PTPRD: variants seen among roughly 807,000 people sequenced by gnomAD.
PTPRD encodes the protein receptor-type tyrosine-protein phosphatase delta.
In PTPRD, 34 loss-of-function variants were observed where a neutral mutation model predicts 214.5. The ratio of observed to expected loss-of-function variants is 0.16; its 90% CI spans 0.12 to 0.21. The LOEUF (loss-of-function observed/expected upper bound fraction) is 0.21, where lower values mean the gene tolerates loss of function less well. Ranked by LOEUF, PTPRD falls within the 10% of genes least tolerant of loss-of-function variation. The pLI is 1.00. For synonymous variants in PTPRD, 1,128 were observed against 845.7 expected (o/e 1.33, Z -5.79); for missense variants, 2,545 against 2,398.7 (o/e 1.06, Z -1.27).
At chr9:8,816,873 G>A (rs972278008) in intron 11 of PTPRD, among the ~76,000 whole-genome samples, 1 of 152,094 alleles carries the variant, frequency 6.6e-6, no homozygotes, top group East Asian at 1.9e-4. Context: ...ACCTTCTAAG[G>A]AATACAACAA....
chr9:9,313,814 T>C (rs982432318), intron 9 of PTPRD, among the ~76,000 whole-genome samples: 8 of 152,194 alleles, frequency 5.3e-5, no homozygotes, highest in African/African-American at 1.9e-4. Context: ...TATGGCACTT[T>C]AGGAAGATTT....
At chr9:9,147,785 A>T (rs1360422675) in intron 10 of PTPRD, among the ~76,000 whole-genome samples, 1 of 152,146 alleles carries the variant, frequency 6.6e-6, no homozygotes, top group African/African-American at 2.4e-5. Flanking sequence ...CTTCTACAGT[A>T]GTGGTTTTCA....
At chr9:9,675,996 G>C (rs1413827845) in intron 7 of PTPRD, among the ~76,000 whole-genome samples, 1 of 151,834 alleles carries the variant, frequency 6.6e-6, no homozygotes, top group African/African-American at 2.4e-5. Context: ...ATATTGCAAG[G>C]GTTCTGTAGC....
chr9:9,968,781 A>G (rs940013776), intron 4 of PTPRD, among the ~76,000 whole-genome samples: 3 of 152,228 alleles, frequency 2.0e-5, no homozygotes, highest in Admixed American at 2.0e-4. Context: ...AACGCCGTTA[A>G]TCTCAACCTT....
intron 9 of PTPRD, among the ~76,000 whole-genome samples, chr9:9,192,827 T>C: frequency 6.6e-6 from 1 of 152,076 alleles, no homozygotes; most frequent in East Asian, 1.9e-4. Flanking sequence ...TGTTAATAAA[T>C]ATCAGAGACT....
intron 3 of PTPRD, among the ~76,000 whole-genome samples, chr9:10,300,361 A>G (rs540389341): frequency 1.3e-5 from 2 of 152,118 alleles, no homozygotes; most frequent in Non-Finnish European, 2.9e-5. Context: ...AGCTAGCTGC[A>G]GGAGTTTAGT....
At chr9:9,470,218 T>C (rs1260788260) in intron 8 of PTPRD, among the ~76,000 whole-genome samples, 1 of 152,128 alleles carries the variant, frequency 6.6e-6, no homozygotes, top group Non-Finnish European at 1.5e-5. Flanking sequence ...ATTTGTATGG[T>C]CACTTCTAGG....
At chr9:10,049,635 A>G (rs1260319283) in intron 3 of PTPRD, among the ~76,000 whole-genome samples, 2 of 152,228 alleles carry the variant, frequency 1.3e-5, no homozygotes, top group Non-Finnish European at 2.9e-5. Flanking sequence ...AGGGATATTC[A>G]TAGTTTTCCA....
At chr9:10,333,442 T>C (rs752465226) in intron 3 of PTPRD, among the ~76,000 whole-genome samples, 2 of 151,788 alleles carry the variant, frequency 1.3e-5, no homozygotes, top group Non-Finnish European at 2.9e-5. Context: ...CACTACAATT[T>C]CAGCGATTTA....
intron 2 of PTPRD, among the ~76,000 whole-genome samples, chr9:10,589,938 T>C (rs975058482): frequency 1.2e-4 from 19 of 152,114 alleles, no homozygotes; most frequent in East Asian, 5.8e-4. Context: ...TAATTTGTTA[T>C]TACTATTAAT....
At chr9:8,487,893 G>A (rs978779167) in intron 27 of PTPRD, among the ~76,000 whole-genome samples, 2 of 151,998 alleles carry the variant, frequency 1.3e-5, no homozygotes, top group Non-Finnish European at 2.9e-5. Context: ...GGAAGGCATG[G>A]TGTCACATGT....
At chr9:9,641,080 AGC>A (rs774578804) in intron 7 of PTPRD, among the ~76,000 whole-genome samples, 35,530 of 151,970 alleles carry the variant, frequency 0.23, 5,090 homozygotes, top group Non-Finnish European at 0.32. Context: ...TAATAATGAA[AGC>A]TATAGCTTTA....
In PTPRD at chr9:8,341,967, C is replaced by G. The variant is rs2132529823; in HGVS notation, c.4673G>C (p.Gly1558Ala). Residue 1558 changes from glycine (G) to alanine (A), a missense_variant, in exon 40 of 46, where the codon GGC becomes GCC. By Grantham distance (60) the Gly-to-Ala change is moderately conservative (BLOSUM62 0). Transcript: ENST00000381196. ...TATGACGATGAAGCAACCAGTCCGG[C>G]CAACTCCCGCACTATGAGGAAAATA... is the stretch of plus-strand genomic sequence containing the variant. ...PMVVHCSAGVGRTGCFIVIDA... is the reference protein window; with the variant it reads ...PMVVHCSAGVARTGCFIVIDA... 6.2e-7 allele frequency: 1 copy of G among 1,610,020 alleles called. No individual in the cohort carries two copies. Among genetic ancestry groups the G allele is most frequent in the South Asian group, 1.1e-5 (1 of 90,836 alleles).
chr9:10,261,926 C>T (rs1236314649), intron 3 of PTPRD, among the ~76,000 whole-genome samples: 1 of 152,026 alleles, frequency 6.6e-6, no homozygotes, highest in Non-Finnish European at 1.5e-5. Flanking sequence ...AATTTGGCAG[C>T]CACTCTTAGA....
At chr9:9,388,550 A>G (rs1373360382) in intron 9 of PTPRD, among the ~76,000 whole-genome samples, 1 of 152,180 alleles carries the variant, frequency 6.6e-6, no homozygotes, top group Non-Finnish European at 1.5e-5. Context: ...AGCAACAGTC[A>G]GGTACTGAAG....
chr9:8,716,469 G>T (rs964842749), intron 12 of PTPRD, among the ~76,000 whole-genome samples: 1 of 152,086 alleles, frequency 6.6e-6, no homozygotes, highest in African/African-American at 2.4e-5. Flanking sequence ...ATTTCCTATT[G>T]TTAAGCACAG....
intron 14 of PTPRD, among the ~76,000 whole-genome samples, chr9:8,581,730 G>C (rs189420480): frequency 7.3e-5 from 11 of 150,330 alleles, no homozygotes; most frequent in African/African-American, 2.4e-4. Context: ...CCGGACGACA[G>C]AGCGAGACTC....
intron 11 of PTPRD, among the ~76,000 whole-genome samples, chr9:8,828,233 T>G (rs1169566142): frequency 1.3e-5 from 2 of 152,200 alleles, no homozygotes; most frequent in Non-Finnish European, 2.9e-5. Context: ...GACTAAATGT[T>G]TGTATCTCCC....
intron 9 of PTPRD, among the ~76,000 whole-genome samples, chr9:9,357,295 TCTG>T (rs1336263995): frequency 6.6e-6 from 1 of 151,324 alleles, no homozygotes; most frequent in East Asian, 1.9e-4. Flanking sequence ...ATATTCTTCT[TCTG>T]TTGAAATGTA....
Sources: gnomAD v4.1 joint callset for allele counts (sites outside exome capture counted in the v4.1 genomes callset) on GRCh38, gnomAD v4.1.1 for gene constraint, MANE v1.5 for transcripts, NCBI Gene and HGNC (gene_info 2026-07-23, HGNC 2026-07-21) for gene names.